Variants in ZNF140 observed in about 807,000 individuals in gnomAD.
ZNF140 encodes zinc finger protein 140 (clone pHZ-39).
Under a neutral mutation model 12.9 loss-of-function variants are expected in ZNF140, and 13 were observed. That is an observed-to-expected ratio of 1.01 (90% confidence interval 0.66 to 1.60). ZNF140 has a LOEUF of 1.60. Ranked by LOEUF, ZNF140 falls within the 40% of genes most tolerant of loss-of-function variation. ZNF140 has a pLI of 0.00. For missense variants in ZNF140, 531 were observed against 548.8 expected (o/e 0.97, Z 0.32); for synonymous variants, 214 against 186.7 (o/e 1.15, Z -1.19).
intron 4 of ZNF140, among the ~76,000 whole-genome samples, 186 bp downstream of exon 4, chr12:133,083,747 C>G (rs1310059420): frequency 2.0e-5 from 3 of 152,098 alleles, no homozygotes; most frequent in Non-Finnish European, 4.4e-5. Context: ...ATCACGACGT[C>G]AGGAGATCGA....
chr12:133,091,448 T>C (rs188490267), intron 4 of ZNF140, among the ~76,000 whole-genome samples: 1 of 151,290 alleles, frequency 6.6e-6, no homozygotes, highest in Non-Finnish European at 1.5e-5. Flanking sequence ...AGCAAAGCAA[T>C]TGTTTAAAGT....
chr12:133,081,119 G>A (rs2137469568), intron 1 of ZNF140, 47 bp downstream of exon 1: 1 of 272,658 alleles, frequency 3.7e-6, no homozygotes, highest in Middle Eastern at 1.6e-3. Context: ...GAGAAAGCCG[G>A]CGCCAGTGGT....
At chr12:133,083,777 G>A (rs939014624) in intron 4 of ZNF140, among the ~76,000 whole-genome samples, 12 of 152,074 alleles carry the variant, frequency 7.9e-5, no homozygotes, top group Admixed American at 7.2e-4. Flanking sequence ...GGCTAACACG[G>A]TGACACCCCA....
intron 1 of ZNF140, 74 bp downstream of exon 1, chr12:133,081,146 A>G: frequency 3.2e-6 from 1 of 307,838 alleles, no homozygotes; most frequent in Non-Finnish European, 6.5e-6. Flanking sequence ...GCGATCTCTC[A>G]GGGCGCCCTG....
chr12:133,096,308 C>T (rs920793345), intron 4 of ZNF140, among the ~76,000 whole-genome samples: 15 of 149,748 alleles, frequency 1.0e-4, no homozygotes, highest in African/African-American at 2.4e-4. Context: ...TTATACAACA[C>T]GTTTTTGTGA....
At chr12:133,097,281 G>T (rs1049531198) in intron 4 of ZNF140, among the ~76,000 whole-genome samples, 11 of 152,256 alleles carry the variant, frequency 7.2e-5, no homozygotes, top group Admixed American at 5.9e-4. Flanking sequence ...GTTGGGTCTT[G>T]TTTTGTGATG....
intron 4 of ZNF140, chr12:133,093,540 G>T: frequency 1.5e-6 from 1 of 689,104 alleles, no homozygotes; most frequent in South Asian, 1.5e-5. Flanking sequence ...TTTATTTTCT[G>T]GTTAAACACA....
At position 133,080,929 on chromosome 12, in the gene ZNF140, C is replaced by G. The variant is rs1262048574; in HGVS notation, c.-192C>G. On this transcript the variant is annotated 5_prime_UTR_variant, in exon 1 of 5. Transcript: ENST00000355557. ...CTGGGGGGCGGCGCCGAGCGTCTGG[C>G]CTGTGTTGGCTGTAGGCAACGAAAG... 1 of 154,250 alleles carries G rather than the reference C, an allele frequency of 6.5e-6. No homozygotes were observed. Among genetic ancestry groups the G allele is most frequent in the Admixed American group, 6.5e-5 (1 of 15,328 alleles). The allele number at this position is 154,250 out of a possible 1,614,324, so 9.6% of individuals were successfully genotyped here.
Position 133,093,506 on chromosome 12 carries a change from G to C in ZNF140, c.232+9945G>C, listed in dbSNP as rs761258652. 34 of 698,770 alleles carry C rather than the reference G, an allele frequency of 4.9e-5. 4 individuals are homozygous for C. Among genetic ancestry groups the C allele is most frequent in the African/African-American group, 4.8e-4 (27 of 56,376 alleles). The allele number at this position is 698,770 out of a possible 1,614,324, so 43.3% of individuals were successfully genotyped here. A position where few individuals can be genotyped will look rare whatever the true frequency, so the allele number is the denominator to read the frequency against. Reference sequence around the variant, plus strand: ...TAGATGGAAACTTCTTTTGTAAGTTGTAAGTATCCAAACTGGAAGCTGATT... The same window carrying C: ...TAGATGGAAACTTCTTTTGTAAGTTCTAAGTATCCAAACTGGAAGCTGATT... On this transcript the variant is annotated intron_variant, in intron 4 of 4. Transcript: ENST00000355557.
At chr12:133,100,982 C>CTTTT (rs1955326283) in intron 4 of ZNF140, 1 of 454,748 alleles carries the variant, frequency 2.2e-6, no homozygotes, top group Non-Finnish European at 4.4e-6. Context: ...AAATATTGAA[C>CTTTT]AAAGGTAACT....
rs772368685 is a variant in ZNF140 at position 133,106,696 on chromosome 12, A to AAAG, written c.*49_*51dup. The AAAG allele has an allele frequency of 6.8e-7, 1 of 1,475,638 alleles. No homozygotes were observed. The highest frequency in any genetic ancestry group is 1.4e-5 in the African/African-American group (1 of 71,036). The allele number at this position is 1,475,638 out of a possible 1,614,324, so 91.4% of individuals were successfully genotyped here. ...ACTATGAATGTATGGAATTTTTTAA[A>AAAG]AAGAAGTATAATGCCTTACTTCAGA... On this transcript the variant is annotated 3_prime_UTR_variant, in exon 5 of 5. Coordinates refer to ENST00000355557, the MANE Select transcript of ZNF140 (RefSeq NM_003440.4).
chr12:133,090,872 T>C (rs1042257899), intron 4 of ZNF140, among the ~76,000 whole-genome samples: 8 of 135,804 alleles, frequency 5.9e-5, no homozygotes, highest in Admixed American at 7.5e-5. Context: ...TCCAGATTTA[T>C]GTTTCTCTCC....
At chr12:133,101,381 G>C (rs2137568220) in intron 4 of ZNF140, among the ~76,000 whole-genome samples, 1 of 151,132 alleles carries the variant, frequency 6.6e-6, no homozygotes, top group East Asian at 2.0e-4. Context: ...TTTCAGTTTT[G>C]GACGTTTCTA....
rs2137590246 is a variant in ZNF140 at position 133,105,592 on chromosome 12, A to G, written c.315A>G (p.Glu105=). Residue 105 remains glutamate (E), a synonymous_variant, in exon 5 of 5, where the codon GAA becomes GAG. Coordinates refer to ENST00000355557, the MANE Select transcript of ZNF140 (RefSeq NM_003440.4). ...ACTCATCCCAGTATTTGATCATGGA[A>G]AGAATTCTAAGTCAAGGCCCTGTGT... ...YDDSSQYLIM[E]RILSQGPVYS... is the part of the protein sequence containing the mutation. The G allele has an allele frequency of 6.2e-7, 1 of 1,614,174 alleles. No individual in the cohort carries two copies. Among genetic ancestry groups the G allele is most frequent in the East Asian group, 2.2e-5 (1 of 44,872 alleles).
At chr12:133,095,401 C>T (rs942947526) in intron 4 of ZNF140, among the ~76,000 whole-genome samples, 14 of 150,956 alleles carry the variant, frequency 9.3e-5, no homozygotes, top group South Asian at 2.1e-4. Flanking sequence ...AATCTCTCGT[C>T]GGCTGTCCTC....
At chr12:133,082,406 A>G (rs1954533422) in intron 2 of ZNF140, 2 of 152,392 alleles carry the variant, frequency 1.3e-5, no homozygotes, top group Middle Eastern at 3.4e-3. Flanking sequence ...TTAAATTCCC[A>G]TTCATGCCTT....
chr12:133,090,994 A>C (rs1041224407), intron 4 of ZNF140, among the ~76,000 whole-genome samples: 1 of 148,648 alleles, frequency 6.7e-6, no homozygotes, highest in Non-Finnish European at 1.5e-5. Flanking sequence ...CAAATGTACA[A>C]TCGGGTTTTA....
At chr12:133,082,994 A>C in intron 2 of ZNF140, 109 bp from the exon 3 acceptor site, 1 of 1,509,808 alleles carries the variant, frequency 6.6e-7, no homozygotes. Flanking sequence ...TCTCACTGTT[A>C]CTACTTAGAC....
chr12:133,084,934 CT>C (rs1954625293), intron 4 of ZNF140, among the ~76,000 whole-genome samples: 1 of 151,934 alleles, frequency 6.6e-6, no homozygotes, highest in African/African-American at 2.4e-5. Context: ...GAAAAATGTC[CT>C]TTTTGAATTA....
Sources: gnomAD v4.1 joint callset for allele counts (sites outside exome capture counted in the v4.1 genomes callset) on GRCh38, gnomAD v4.1.1 for gene constraint, MANE v1.5 for transcripts, NCBI Gene and HGNC (gene_info 2026-07-23, HGNC 2026-07-21) for gene names.